RYR1: variants seen among roughly 807,000 people sequenced by gnomAD.
RYR1 encodes central core disease of muscle.
Under a neutral mutation model 583.5 loss-of-function variants are expected in RYR1, and 342 were observed. That is an observed-to-expected ratio of 0.59 (90% confidence interval 0.54 to 0.64). The LOEUF (loss-of-function observed/expected upper bound fraction) is 0.64. RYR1 is among the 30% of genes least tolerant of loss of function. The pLI, the probability that RYR1 is intolerant of heterozygous loss-of-function variation, is 0.00. For missense variants in RYR1, 6,032 were observed against 6,917.2 expected, an observed-to-expected ratio of 0.87 and a Z score of 4.54; for synonymous variants, 2,791 against 2,822.5, an observed-to-expected ratio of 0.99 and a Z score of 0.35.
rs1189071505 is a variant in RYR1 at position 38,578,004 on chromosome 19, C to G, written c.14259C>G (p.Ala4753=). Residue 4753 remains alanine (A), a synonymous_variant, in exon 98 of 106, where the codon GCC becomes GCG. Transcript: ENST00000359596. ...ACCTGGCCACACTAGAGATCACAGCCCACAATGAGCGCAAGCCCAACCCGC... is the reference window on the plus strand; with the variant it reads ...ACCTGGCCACACTAGAGATCACAGCGCACAATGAGCGCAAGCCCAACCCGC... ...GMDLATLEIT[A]HNERKPNPPP... is the part of the protein sequence containing the mutation. 6.2e-7 allele frequency: 1 copy of G among 1,614,118 alleles called. No homozygotes were observed. The highest frequency in any genetic ancestry group is 2.2e-5 in the East Asian group (1 of 44,880).
intron 83 of RYR1, among the ~76,000 whole-genome samples, chr19:38,537,498 T>C (rs1362943587): frequency 6.6e-6 from 1 of 152,056 alleles, no homozygotes; most frequent in Non-Finnish European, 1.5e-5. Context: ...CAAACCCCCA[T>C]AATCCATTAA....
chr19:38,540,929 C>T (rs1301025972), intron 84 of RYR1, among the ~76,000 whole-genome samples: 13 of 150,718 alleles, frequency 8.6e-5, no homozygotes, highest in Non-Finnish European at 2.9e-5. Context: ...GTGTAATAAA[C>T]CTCCAATCAT....
chr19:38,507,104 C>T (rs117335934), intron 57 of RYR1, 152 bp downstream of exon 57: 28,362 of 1,307,390 alleles, frequency 0.022, 434 homozygotes, highest in Non-Finnish European at 0.026. Flanking sequence ...GGAGTGGGGC[C>T]TGGACACAGA....
rs753757756 is a variant in RYR1 at position 38,448,327 on chromosome 19, G to A, written c.801-28G>A. On this transcript the variant is annotated intron_variant, in intron 9 of 105. Transcript: ENST00000359596. The stretch of plus-strand genomic sequence containing the variant: ...CCATGGGAGAACTGGGGGGTCCTCT[G>A]ACTCCCCTTGGCTCTCACCCTCCAC... 5.0e-6 allele frequency: 8 copies of A among 1,600,144 alleles called. No individual in the cohort carries two copies. In the South Asian group the frequency reaches 7.7e-5, roughly 15 times the overall value.
rs567721313 is a variant in RYR1, at chr19:38,535,734, G to A, written c.11517-263G>A. 2.4e-4 allele frequency: 145 copies of A among 594,568 alleles called. No homozygotes were observed. In the East Asian group the frequency reaches 2.5e-3, roughly 10 times the overall value. The allele number at this position is 594,568 out of a possible 1,614,324, so 36.8% of individuals were successfully genotyped here. ...CTGCCTTTATTCACCTCTTGCTGCC[G>A]GCTGATTTTTCCTACCCTCTGCAGC... is the stretch of plus-strand genomic sequence containing the variant. On this transcript the variant is annotated intron_variant, in intron 81 of 105. Coordinates refer to ENST00000359596, the MANE Select transcript of RYR1 (RefSeq NM_000540.3).
Position 38,516,118 on chromosome 19 carries a change from C to T in RYR1, c.9586C>T (p.Arg3196Cys), listed in dbSNP as rs766362010. Residue 3196 changes from arginine to cysteine, a missense_variant, in exon 65 of 106, where the codon CGT becomes TGT. By Grantham distance (180) the Arg-to-Cys change is radical. This residue lies in a region of RYR1 where 1,493 missense variants were observed against 1,715.5 expected (regional missense o/e 0.87). Coordinates refer to ENST00000359596, the MANE Select transcript of RYR1 (RefSeq NM_000540.3). ...LRPALGECLARLAAAMPVAFL... is the reference protein window; with the variant it reads ...LRPALGECLACLAAAMPVAFL... ...GCCAGCCCTCGGGGAGTGCCTGGCC[C>T]GTCTGGCAGCAGCCATGCCGGTGGC... 31 of 1,549,932 alleles carry T rather than the reference C, an allele frequency of 2.0e-5. No homozygotes were observed. In the African/African-American group the frequency reaches 2.0e-4, roughly 10 times the overall value.
rs771446943 is a variant in RYR1 at position 38,473,641 on chromosome 19, G to A, written c.4030G>A (p.Ala1344Thr). 9.6e-6 allele frequency: 15 copies of A among 1,558,274 alleles called. No homozygotes were observed. In the South Asian group the frequency reaches 1.8e-4, roughly 18 times the overall value. Residue 1344 changes from alanine (A) to threonine (T), a missense_variant, in exon 28 of 106, where the codon GCA becomes ACA. Ala to Thr is a moderately conservative substitution (Grantham distance 58). Around this residue, in one of 11 missense-constraint regions of RYR1, gnomAD observed 2,627 missense variants for 2,961.3 expected, o/e 0.89. Coordinates refer to ENST00000359596, the MANE Select transcript of RYR1 (RefSeq NM_000540.3). The stretch of plus-strand genomic sequence containing the variant: ...CCGCTCAGCTGGGGGCTGGAGCGAG[G>A]CAGAGAACGGCAAAGAAGGGACTGC... The part of the protein sequence containing the change: ...LRRSAGGWSE[A>T]ENGKEGTAKE...
At chr19:38,441,711 G>A (rs1972694534) in intron 2 of RYR1, among the ~76,000 whole-genome samples, 2 of 151,478 alleles carry the variant, frequency 1.3e-5, no homozygotes, top group South Asian at 4.2e-4. Context: ...GGCAGGGGCT[G>A]GCAGACCAGG....
intron 89 of RYR1, among the ~76,000 whole-genome samples, chr19:38,556,060 C>T (rs893769314): frequency 9.9e-5 from 15 of 152,026 alleles, no homozygotes; most frequent in African/African-American, 2.7e-4. Context: ...GACAAGGTTT[C>T]GCCATGTTGG....
chr19:38,523,493 TTCTCCCTCCTCCCA>T (rs1568535429), intron 69 of RYR1, 184 bp downstream of exon 69: 13 of 658,614 alleles, frequency 2.0e-5, no homozygotes, highest in South Asian at 1.2e-4. Flanking sequence ...CTCCTGTATC[TTCTCCCTCCTCCCA>T]TCTCCCTCCT....
At chr19:38,584,768 C>G (rs1211268732) in intron 101 of RYR1, among the ~76,000 whole-genome samples, 175 bp from the exon 102 acceptor site, 1 of 150,712 alleles carries the variant, frequency 6.6e-6, no homozygotes, top group Non-Finnish European at 1.5e-5. Context: ...TGTCACAGCC[C>G]TGACCATTTC....
chr19:38,576,112 T>G (rs1973947146), intron 97 of RYR1, 151 bp downstream of exon 97: 1 of 827,398 alleles, frequency 1.2e-6, no homozygotes, highest in Admixed American at 2.0e-5. Flanking sequence ...CATGGGGAGA[T>G]GGGCATAGTA....
At chr19:38,461,474 C>T (rs1015788131) in intron 20 of RYR1, among the ~76,000 whole-genome samples, 7 of 151,740 alleles carry the variant, frequency 4.6e-5, no homozygotes, top group East Asian at 1.9e-4. Flanking sequence ...CTCACACCTG[C>T]GATCCTAGAA....
intron 17 of RYR1, among the ~76,000 whole-genome samples, 184 bp downstream of exon 17, chr19:38,457,814 C>T (rs1250113304): frequency 6.6e-6 from 1 of 152,158 alleles, no homozygotes; most frequent in Non-Finnish European, 1.5e-5. Context: ...TTCTGTCTTC[C>T]TGGCTCCATT....
At chr19:38,487,986 G>T (rs1969374149) in intron 34 of RYR1, among the ~76,000 whole-genome samples, 1 of 151,962 alleles carries the variant, frequency 6.6e-6, no homozygotes, top group African/African-American at 2.4e-5. Flanking sequence ...AAGAGACAGG[G>T]TAATGCCCAG....
intron 66 of RYR1, among the ~76,000 whole-genome samples, chr19:38,518,146 GAAA>G: frequency 6.6e-6 from 1 of 151,608 alleles, no homozygotes; most frequent in East Asian, 1.9e-4. Context: ...CAAAAGGAAA[GAAA>G]GAAGGAAGGA....
In RYR1 at chr19:38,496,960, G is replaced by A. The variant is rs371151004; in HGVS notation, c.6891+6G>A. The A allele has an allele frequency of 2.5e-6, 4 of 1,612,698 alleles. No homozygotes were observed. In the African/African-American group the frequency reaches 5.3e-5, roughly 22 times the overall value. On this transcript the variant is annotated splice_donor_region_variant and intron_variant, in intron 42 of 105. Coordinates refer to ENST00000359596, the MANE Select transcript of RYR1 (RefSeq NM_000540.3). The surrounding 1 kb of genome is among the most constrained non-coding windows in gnomAD (Gnocchi z 4.8). ...AGGAGCAGGACCTGGAAAAGGTGTGGAGGGCAGGGCTGGGCCCCAGGCCTA... is the reference window on the plus strand; with the variant it reads ...AGGAGCAGGACCTGGAAAAGGTGTGAAGGGCAGGGCTGGGCCCCAGGCCTA...
chr19:38,463,155 C>A lies in RYR1; in HGVS notation c.2578-268C>A, dbSNP rs112625078. On this transcript the variant is annotated intron_variant, in intron 20 of 105. Coordinates refer to ENST00000359596, the MANE Select transcript of RYR1 (RefSeq NM_000540.3). The stretch of plus-strand genomic sequence containing the variant: ...TCAGGCGATCTGCCCCCCCCCCCCC[C>A]ACTTAGCCTCCCAAAGTGCTGGGAT... Among the ~76,000 whole-genome samples, 356 of 82,602 alleles carry A rather than the reference C, an allele frequency of 4.3e-3. 27 individuals are homozygous for A. The highest frequency in any genetic ancestry group is 0.013 in the African/African-American group (275 of 20,610). The allele number at this position is 82,602 out of a possible 152,430, so 54.2% of individuals were successfully genotyped here. A position where few individuals can be genotyped will look rare whatever the true frequency, so the allele number is the denominator to read the frequency against.
intron 54 of RYR1, among the ~76,000 whole-genome samples, 174 bp from the exon 55 acceptor site, chr19:38,506,129 C>T (rs1970436038): frequency 6.9e-6 from 1 of 144,184 alleles, no homozygotes; most frequent in African/African-American, 2.6e-5. Context: ...CTGCAAAGGG[C>T]AGAGGAGAGA....
Sources: allele counts gnomAD v4.1 joint callset (sites outside exome capture counted in the v4.1 genomes callset), GRCh38; gene constraint gnomAD v4.1.1; regional missense constraint gnomAD v4.1.1; non-coding constraint Gnocchi (gnomAD v3.1); transcripts MANE v1.5; gene names NCBI Gene and HGNC (gene_info 2026-07-23, HGNC 2026-07-21).